C10orf67: variants seen among roughly 807,000 people sequenced by gnomAD.
The protein encoded by C10orf67 is chromosome 10 open reading frame 67.
A neutral mutation model predicts 35.6 loss-of-function variants in C10orf67; 60 were observed. The ratio of observed to expected loss-of-function variants is 1.68; its 90% CI spans 1.37 to 2.09. The LOEUF (loss-of-function observed/expected upper bound fraction) is 2.09. C10orf67 is among the 30% of genes most tolerant of loss of function. The pLI is 0.00. For synonymous variants in C10orf67, 167 were observed against 115.8 expected, an observed-to-expected ratio of 1.44 and a Z score of -2.84; for missense variants, 474 against 330.2, an observed-to-expected ratio of 1.44 and a Z score of -3.38.
chr10:23,337,476 A>T (rs1049463783), intron 1 of C10orf67, among the ~76,000 whole-genome samples: 5 of 152,178 alleles, frequency 3.3e-5, no homozygotes, highest in African/African-American at 9.6e-5. Flanking sequence ...TAAGGCTGCA[A>T]TGAGCTTGGA....
chr10:23,214,185 T>A (rs149959714), intron 15 of C10orf67, among the ~76,000 whole-genome samples: 7 of 151,994 alleles, frequency 4.6e-5, no homozygotes, highest in African/African-American at 1.7e-4. Flanking sequence ...ACTGACAGAA[T>A]TACTAACAGA....
intron 1 of C10orf67, among the ~76,000 whole-genome samples, chr10:23,335,204 AG>A (rs1422176413): frequency 1.3e-5 from 2 of 151,618 alleles, no homozygotes; most frequent in Non-Finnish European, 2.9e-5. Context: ...AAAAAAAAAA[AG>A]ATGGAAATAA....
At chr10:23,239,892 G>A in intron 12 of C10orf67, 76 bp from the exon 13 acceptor site, 2 of 479,568 alleles carry the variant, frequency 4.2e-6, no homozygotes, top group East Asian at 3.2e-5. Flanking sequence ...ATGTTAATGA[G>A]GTAGGAAACT....
intron 8 of C10orf67, among the ~76,000 whole-genome samples, chr10:23,274,795 T>C (rs899012718): frequency 4.6e-5 from 7 of 152,152 alleles, no homozygotes; most frequent in African/African-American, 1.7e-4. Flanking sequence ...TAGGATTTAA[T>C]AGGCATAGGA....
intron 8 of C10orf67, among the ~76,000 whole-genome samples, chr10:23,267,597 C>T (rs1842918379): frequency 6.6e-6 from 1 of 152,134 alleles, no homozygotes; most frequent in Admixed American, 6.6e-5. Flanking sequence ...AATACTAGGC[C>T]TTATTCTTAA....
intron 5 of C10orf67, among the ~76,000 whole-genome samples, chr10:23,297,977 C>T (rs941152386): frequency 1.5e-4 from 23 of 152,228 alleles, no homozygotes; most frequent in South Asian, 6.2e-4. Flanking sequence ...CCAACCCGGC[C>T]GGGCATGTTG....
chr10:23,216,624 G>T (rs1473489782), intron 15 of C10orf67, among the ~76,000 whole-genome samples: 1 of 151,940 alleles, frequency 6.6e-6, no homozygotes, highest in African/African-American at 2.4e-5. Flanking sequence ...ATTATACAAT[G>T]GAATATACTA....
chr10:23,297,494 A>G (rs1303116602), intron 5 of C10orf67, among the ~76,000 whole-genome samples: 1 of 152,124 alleles, frequency 6.6e-6, no homozygotes, highest in Non-Finnish European at 1.5e-5. Flanking sequence ...AGTGAGGGCT[A>G]TTAGTTTTAC....
rs535756427 is a variant in C10orf67, at chr10:23,228,742, GA to G, written c.1435-4925del. On this transcript the variant is annotated intron_variant, in intron 13 of 15. Coordinates refer to ENST00000636213, the MANE Select transcript of C10orf67 (RefSeq NM_001371909.1). ...ACAAAGAACTCAAACAAATTTACAA[GA>G]AAAAAACAACCCCATCAAAAAGTGG... Among the ~76,000 whole-genome samples the G allele has an allele frequency of 1.2e-3, 179 of 151,812 alleles. 1 individual carries two copies. Among genetic ancestry groups the G allele is most frequent in the African/African-American group, 4.1e-3 (171 of 41,406 alleles).
At chr10:23,328,688 A>T (rs1329785587) in intron 2 of C10orf67, among the ~76,000 whole-genome samples, 1 of 43,710 alleles carries the variant, frequency 2.3e-5, no homozygotes, top group African/African-American at 2.2e-4. Flanking sequence ...AAGAGATTAA[A>T]AAAAAAAAAA....
chr10:23,225,649 G>C (rs181406862), intron 13 of C10orf67, among the ~76,000 whole-genome samples: 2 of 152,088 alleles, frequency 1.3e-5, no homozygotes, highest in African/African-American at 4.8e-5. Context: ...GACACACATA[G>C]GCTCAAAATA....
chr10:23,276,506 T>G (rs903773014), intron 8 of C10orf67, among the ~76,000 whole-genome samples: 7 of 152,002 alleles, frequency 4.6e-5, no homozygotes, highest in Admixed American at 2.0e-4. Context: ...GTGGTGTGTG[T>G]GGGGGATCCC....
intron 1 of C10orf67, among the ~76,000 whole-genome samples, chr10:23,341,378 A>C (rs1564525712): frequency 6.6e-6 from 1 of 152,138 alleles, no homozygotes; most frequent in Non-Finnish European, 1.5e-5. Flanking sequence ...GTTACTGGCA[A>C]TTCCATTCTA....
intron 1 of C10orf67, among the ~76,000 whole-genome samples, chr10:23,339,402 C>CAAAAAAAAAAAAAAAAAAAAAAGGAAAA (rs1845802324): frequency 1.4e-5 from 1 of 72,332 alleles, no homozygotes; most frequent in Non-Finnish European, 2.6e-5. Context: ...AAAAAGGCAG[C>CAAAAAAAAAAAAAAAAAAAAAAGGAAAA]AAAAAAAAAA....
At chr10:23,215,193 C>CAGCT (rs1270929012) in intron 15 of C10orf67, among the ~76,000 whole-genome samples, 1 of 152,064 alleles carries the variant, frequency 6.6e-6, no homozygotes, top group Non-Finnish European at 1.5e-5. Flanking sequence ...AGAACACTAA[C>CAGCT]AGCTATTAAA....
At chr10:23,263,327 C>A (rs959487299) in intron 10 of C10orf67, among the ~76,000 whole-genome samples, 1 of 152,102 alleles carries the variant, frequency 6.6e-6, no homozygotes. Context: ...AAGAAAAGAT[C>A]TTTTCTTCAA....
intron 1 of C10orf67, among the ~76,000 whole-genome samples, chr10:23,340,586 C>T (rs1845849072): frequency 6.6e-6 from 1 of 152,176 alleles, no homozygotes; most frequent in Admixed American, 6.5e-5. Flanking sequence ...CCAGTCCTAA[C>T]TCTTTATGTG....
chr10:23,212,166 C>T (rs980806662), intron 15 of C10orf67, among the ~76,000 whole-genome samples: 11 of 152,166 alleles, frequency 7.2e-5, no homozygotes, highest in African/African-American at 2.7e-4. Flanking sequence ...GGGAGAATGT[C>T]ATCTACAGGT....
Position 23,320,792 on chromosome 10 carries a change from G to A in C10orf67, c.495C>T (p.Ser165=). The A allele has an allele frequency of 6.3e-7, 1 of 1,587,422 alleles. No individual in the cohort carries two copies. The highest frequency in any genetic ancestry group is 8.6e-7 in the Non-Finnish European group (1 of 1,165,952). ...YQQNEDKMRK[S]FNQQLADAIA... is the part of the protein sequence containing the mutation. ...TGGCATCAGCTAACTGCTGATTGAAGGATTTTCTCATCTTATCCTCATTCT... is the reference window on the plus strand; with the variant it reads ...TGGCATCAGCTAACTGCTGATTGAAAGATTTTCTCATCTTATCCTCATTCT... The change falls in exon 4 of 16, where the codon TCC becomes TCT. Residue 165 remains serine (S), a synonymous_variant. Coordinates refer to ENST00000636213, the MANE Select transcript of C10orf67 (RefSeq NM_001371909.1).
Sources: gnomAD v4.1 joint callset for allele counts (sites outside exome capture counted in the v4.1 genomes callset) on GRCh38, gnomAD v4.1.1 for gene constraint, MANE v1.5 for transcripts, NCBI Gene and HGNC (gene_info 2026-07-23, HGNC 2026-07-21) for gene names.